ATP8A1: variants seen among roughly 807,000 people sequenced by gnomAD.
ATP8A1 encodes the protein phospholipid-transporting ATPase IA.
A neutral mutation model predicts 177.7 loss-of-function variants in ATP8A1; 90 were observed. The observed-to-expected ratio is 0.51, with a 90% CI of 0.43 to 0.60. ATP8A1 has a LOEUF of 0.60. ATP8A1 is among the 20% of genes least tolerant of loss of function. ATP8A1 has a pLI of 0.00. For missense variants in ATP8A1, 1,072 were observed against 1,392.8 expected (o/e 0.77, Z 3.67); for synonymous variants, 493 against 485.9 (o/e 1.01, Z -0.19).
chr4:42,435,450 CAAAAAAAA>C (rs11306070), intron 33 of ATP8A1, among the ~76,000 whole-genome samples: 123 of 116,872 alleles, frequency 1.1e-3, no homozygotes, highest in East Asian at 4.7e-3. Context: ...AAAAAAAAAA[CAAAAAAAA>C]AAAAACAAAC....
chr4:42,635,746 CAT>C lies in ATP8A1; in HGVS notation c.50-8639_50-8638del, dbSNP rs768168762. On this transcript the variant is annotated intron_variant, in intron 1 of 36. Transcript: ENST00000381668. ...GAATATATACATACACACATATATA[CAT>C]ATATATACACACACACACACACACA... 0.013 allele frequency among the ~76,000 whole-genome samples: 1,523 copies of C among 119,328 alleles called. 44 individuals carry two copies. The East Asian group carries it at 0.13, about 10-fold the overall frequency. 78.3% of individuals were successfully genotyped at this position (119,328 alleles called of 152,430 possible).
intron 33 of ATP8A1, among the ~76,000 whole-genome samples, chr4:42,428,115 GAAACGT>G (rs1429696299): frequency 6.6e-6 from 1 of 152,332 alleles, no homozygotes; most frequent in Middle Eastern, 3.4e-3. Flanking sequence ...GTCCTGGAGG[GAAACGT>G]AAACTACCCT....
At chr4:42,625,904 G>T in intron 2 of ATP8A1, 191 bp from the exon 3 acceptor site, 2 of 400,010 alleles carry the variant, frequency 5.0e-6, no homozygotes, top group East Asian at 4.1e-5. Context: ...GGTAAAGCAT[G>T]AATACCACAG....
chr4:42,453,500 A>C (rs1353968710), intron 29 of ATP8A1, among the ~76,000 whole-genome samples: 1 of 152,178 alleles, frequency 6.6e-6, no homozygotes, highest in Non-Finnish European at 1.5e-5. Context: ...TGGGCTCTAC[A>C]GATAATGAAA....
intron 14 of ATP8A1, among the ~76,000 whole-genome samples, chr4:42,574,073 C>A (rs1732172029): frequency 6.6e-6 from 1 of 152,098 alleles, no homozygotes; most frequent in African/African-American, 2.4e-5. Flanking sequence ...GCTCAACAAG[C>A]AATTCTAAAG....
intron 35 of ATP8A1, among the ~76,000 whole-genome samples, chr4:42,421,367 A>G (rs1433779177): frequency 6.6e-6 from 1 of 152,158 alleles, no homozygotes; most frequent in Non-Finnish European, 1.5e-5. Flanking sequence ...AGAATTGTGA[A>G]TGGTTCAGAG....
intron 35 of ATP8A1, chr4:42,415,006 G>A: frequency 2.9e-6 from 1 of 346,110 alleles, no homozygotes; most frequent in Non-Finnish European, 5.3e-6. Context: ...TAAGTCAAAT[G>A]GCAACACAGA....
At chr4:42,506,066 G>T (rs964774777) in intron 23 of ATP8A1, among the ~76,000 whole-genome samples, 1 of 151,988 alleles carries the variant, frequency 6.6e-6, no homozygotes, top group East Asian at 1.9e-4. Flanking sequence ...ACTCCTAACC[G>T]CCAGTGACAC....
intron 2 of ATP8A1, 25 bp from the exon 3 acceptor site, chr4:42,625,738 C>T: frequency 1.4e-6 from 2 of 1,416,526 alleles, no homozygotes; most frequent in South Asian, 1.3e-5. Flanking sequence ...TGAAAAGTAG[C>T]ATAAAACTTC....
intron 5 of ATP8A1, among the ~76,000 whole-genome samples, chr4:42,602,854 TATA>T (rs997524939): frequency 6.6e-6 from 1 of 152,016 alleles, no homozygotes; most frequent in Non-Finnish European, 1.5e-5. Flanking sequence ...GTGGCTACAA[TATA>T]ATAAGAGAGA....
intron 34 of ATP8A1, 83 bp downstream of exon 34, chr4:42,423,534 G>A: frequency 2.2e-6 from 2 of 899,944 alleles, no homozygotes; most frequent in South Asian, 3.8e-5. Flanking sequence ...AGCTCTACAT[G>A]CTTGAGTTGA....
At chr4:42,604,677 G>A (rs1735613982) in intron 5 of ATP8A1, among the ~76,000 whole-genome samples, 1 of 152,214 alleles carries the variant, frequency 6.6e-6, no homozygotes, top group Non-Finnish European at 1.5e-5. Flanking sequence ...ACTACTAGGT[G>A]TATACCCAAG....
intron 1 of ATP8A1, among the ~76,000 whole-genome samples, chr4:42,636,151 C>A (rs1235695536): frequency 2.3e-5 from 1 of 43,194 alleles, no homozygotes; most frequent in Admixed American, 2.4e-4. Context: ...CACACACACA[C>A]ACACACGCAC....
intron 1 of ATP8A1, among the ~76,000 whole-genome samples, chr4:42,636,944 G>A (rs552319220): frequency 3.9e-5 from 6 of 152,136 alleles, no homozygotes; most frequent in South Asian, 2.1e-4. Flanking sequence ...TTCTCTAAGC[G>A]TTTCATGTGA....
intron 27 of ATP8A1, 97 bp from the exon 28 acceptor site, chr4:42,455,696 A>G: frequency 1.9e-6 from 2 of 1,035,294 alleles, no homozygotes; most frequent in Non-Finnish European, 2.8e-6. Context: ...TAATAGCAGC[A>G]TTAACATATT....
chr4:42,555,660 C>G (rs887548428), intron 16 of ATP8A1, among the ~76,000 whole-genome samples: 1 of 152,028 alleles, frequency 6.6e-6, no homozygotes, highest in African/African-American at 2.4e-5. Context: ...CCTGTCTCTA[C>G]TAAAATACAA....
intron 23 of ATP8A1, among the ~76,000 whole-genome samples, chr4:42,505,864 T>C (rs554929812): frequency 3.9e-5 from 6 of 152,228 alleles, no homozygotes; most frequent in Non-Finnish European, 7.3e-5. Flanking sequence ...ATCAAGAGGA[T>C]AAATCCATGT....
intron 1 of ATP8A1, among the ~76,000 whole-genome samples, chr4:42,646,444 G>A (rs184503877): frequency 1.4e-4 from 21 of 152,256 alleles, no homozygotes; most frequent in African/African-American, 3.4e-4. Flanking sequence ...GGAAAAAGAC[G>A]GTCTGTAGAA....
intron 5 of ATP8A1, among the ~76,000 whole-genome samples, chr4:42,608,975 G>A (rs1340373838): frequency 6.6e-6 from 1 of 152,168 alleles, no homozygotes; most frequent in Non-Finnish European, 1.5e-5. Context: ...AGAGTCTCTT[G>A]TATAAGCTTG....
Sources: allele counts gnomAD v4.1 joint callset (sites outside exome capture counted in the v4.1 genomes callset), GRCh38; gene constraint gnomAD v4.1.1; transcripts MANE v1.5; gene names NCBI Gene and HGNC (gene_info 2026-07-23, HGNC 2026-07-21).